Variants in FAM81A observed in about 807,000 individuals in gnomAD.
FAM81A encodes the protein protein FAM81A.
A neutral mutation model predicts 46.7 loss-of-function variants in FAM81A; 19 were observed. The observed-to-expected ratio is 0.41, with a 90% CI of 0.28 to 0.60. The LOEUF (loss-of-function observed/expected upper bound fraction) is 0.60, where lower values mean the gene tolerates loss of function less well. FAM81A is among the 20% of genes least tolerant of loss of function. The pLI, the probability that FAM81A is intolerant of heterozygous loss-of-function variation, is 0.34. For synonymous variants in FAM81A, 183 were observed against 152.9 expected, an observed-to-expected ratio of 1.20 and a Z score of -1.45; for missense variants, 377 against 453.5, an observed-to-expected ratio of 0.83 and a Z score of 1.53.
intron 3 of FAM81A, among the ~76,000 whole-genome samples, chr15:59,486,006 C>G (rs2081912875): frequency 6.6e-6 from 1 of 152,126 alleles, no homozygotes; most frequent in Admixed American, 6.6e-5. Context: ...TGATGAAACC[C>G]CATCTGTACT....
chr15:59,451,645 G>T (rs1308551405), intron 1 of FAM81A, among the ~76,000 whole-genome samples: 1 of 152,148 alleles, frequency 6.6e-6, no homozygotes, highest in Non-Finnish European at 1.5e-5. Flanking sequence ...TAGAGATGCA[G>T]TTTCCTCATG....
chr15:59,491,992 AAAAG>A (rs2081986598), intron 3 of FAM81A, among the ~76,000 whole-genome samples: 2 of 152,128 alleles, frequency 1.3e-5, no homozygotes, highest in Non-Finnish European at 2.9e-5. Flanking sequence ...AGAAAAAAGA[AAAAG>A]AAAGTGGCTT....
At chr15:59,467,159 C>A (rs532614427) in intron 3 of FAM81A, among the ~76,000 whole-genome samples, 1 of 152,090 alleles carries the variant, frequency 6.6e-6, no homozygotes, top group Non-Finnish European at 1.5e-5. Context: ...CAGCTTTGTT[C>A]TTTTTGCTTA....
chr15:59,434,699 G>A (rs1014739325), upstream of FAM81A, among the ~76,000 whole-genome samples: 1 of 152,138 alleles, frequency 6.6e-6, no homozygotes, highest in African/African-American at 2.4e-5. Context: ...CTCTATTATT[G>A]AGAATGAACA....
At chr15:59,450,178 C>T (rs752682100) in intron 1 of FAM81A, among the ~76,000 whole-genome samples, 108 of 151,522 alleles carry the variant, frequency 7.1e-4, no homozygotes, top group Non-Finnish European at 1.1e-3. Context: ...CCATCTGCCG[C>T]CTCGGCCTCC....
chr15:59,402,768 G>T (rs938693181), intron 2 of FAM81A, among the ~76,000 whole-genome samples: 3 of 152,000 alleles, frequency 2.0e-5, no homozygotes, highest in African/African-American at 7.3e-5. Context: ...TAGCCAGGCT[G>T]GTCTCGAACT....
chr15:59,461,194 A>G (rs1157857981), intron 3 of FAM81A, among the ~76,000 whole-genome samples: 2 of 152,020 alleles, frequency 1.3e-5, no homozygotes, highest in Non-Finnish European at 2.9e-5. Context: ...CCAGGCAACC[A>G]CTCATCTACT....
chr15:59,498,858 T>G (rs2082061490), intron 4 of FAM81A, among the ~76,000 whole-genome samples: 1 of 152,216 alleles, frequency 6.6e-6, no homozygotes. Context: ...ATTCGCCATA[T>G]TGGCCAGGCT....
chr15:59,482,369 A>G (rs779038405), intron 3 of FAM81A, among the ~76,000 whole-genome samples: 1 of 152,132 alleles, frequency 6.6e-6, no homozygotes, highest in African/African-American at 2.4e-5. Context: ...CCTGGGTCCA[A>G]GCAATTCTCC....
chr15:59,494,244 T>C (rs2082011362), intron 4 of FAM81A, among the ~76,000 whole-genome samples: 1 of 152,184 alleles, frequency 6.6e-6, no homozygotes, highest in South Asian at 2.1e-4. Context: ...CTGTGATACC[T>C]CTCAGAACAG....
chr15:59,438,112 A>G (rs1478185427), upstream of FAM81A: 11 of 145,562 alleles, frequency 7.6e-5, no homozygotes, highest in East Asian at 6.0e-4. Context: ...GGAGCCGCGA[A>G]CCCGGCCGGG....
rs779306552 is a variant in FAM81A, at chr15:59,492,295, C to T, written c.319C>T (p.Arg107Trp). The T allele has an allele frequency of 8.7e-6, 14 of 1,613,120 alleles. No individual in the cohort carries two copies. Among genetic ancestry groups the T allele is most frequent in the East Asian group, 6.7e-5 (3 of 44,882 alleles). ...IEVLQEQIRA[R>W]DNISYGTNSA... ...GGTACTCCAGGAGCAGATTCGTGCC[C>T]GGGACAACATTAGCTATGGAACTAA... The change falls in exon 4 of 9, where the codon CGG becomes TGG. Residue 107 changes from arginine (R) to tryptophan (W), a missense_variant. Physicochemically the swap from Arg to Trp is moderately radical, Grantham distance 101. Transcript: ENST00000288228.
chr15:59,493,894 T>G (rs1596526755), intron 4 of FAM81A, among the ~76,000 whole-genome samples: 1 of 152,132 alleles, frequency 6.6e-6, no homozygotes, highest in East Asian at 1.9e-4. Context: ...GGCCTCCTCC[T>G]TCTTTTCTAA....
chr15:59,490,567 C>T (rs1397871712), intron 3 of FAM81A, among the ~76,000 whole-genome samples: 1 of 152,186 alleles, frequency 6.6e-6, no homozygotes, highest in Admixed American at 6.5e-5. Context: ...TGCAGCGGCT[C>T]ACACCTGTAA....
chr15:59,489,889 A>T (rs1459129718), intron 3 of FAM81A, among the ~76,000 whole-genome samples: 1 of 152,234 alleles, frequency 6.6e-6, no homozygotes, highest in Non-Finnish European at 1.5e-5. Context: ...ATTTCATACC[A>T]TGTACAGAAA....
chr15:59,401,383 T>C lies in FAM81A; in HGVS notation c.-160-893T>C. 3 of 789,054 alleles carry C rather than the reference T, an allele frequency of 3.8e-6. No individual in the cohort carries two copies. The South Asian group carries it at 4.0e-5, about 11-fold the overall frequency. The allele number at this position is 789,054 out of a possible 1,614,324, so 48.9% of individuals were successfully genotyped here. ...TAATAACACCCAAAGTTGTATACAGTGGGGACGACGGGTTCTTCTTTACAC... is the reference window on the plus strand; with the variant it reads ...TAATAACACCCAAAGTTGTATACAGCGGGGACGACGGGTTCTTCTTTACAC... On this transcript the variant is annotated intron_variant, in intron 1 of 4. Coordinates refer to the FAM81A transcript ENST00000558348.
chr15:59,506,909 C>A (rs1008693839), intron 4 of FAM81A, among the ~76,000 whole-genome samples: 3 of 152,222 alleles, frequency 2.0e-5, no homozygotes, highest in Admixed American at 1.3e-4. Flanking sequence ...AGACCACATC[C>A]AGCACACTAG....
At chr15:59,401,410 AAATAT>A (rs1247385408) in intron 1 of FAM81A, 2 of 798,816 alleles carry the variant, frequency 2.5e-6, no homozygotes, top group Non-Finnish European at 4.6e-6. Flanking sequence ...TCTTTACACC[AAATAT>A]TGGTAGGCAA....
At chr15:59,438,972 T>G (rs1013099646) in intron 1 of FAM81A, 1 of 152,254 alleles carries the variant, frequency 6.6e-6, no homozygotes. Context: ...TTAATGCTCC[T>G]AAGTTCTTCT....
Sources: allele counts gnomAD v4.1 joint callset (sites outside exome capture counted in the v4.1 genomes callset), GRCh38; gene constraint gnomAD v4.1.1; transcripts MANE v1.5; gene names NCBI Gene and HGNC (gene_info 2026-07-23, HGNC 2026-07-21).